Variants in PRKCA observed in about 807,000 individuals in gnomAD.
The protein encoded by PRKCA is protein kinase C alpha type.
A neutral mutation model predicts 87.0 loss-of-function variants in PRKCA; 27 were observed. The observed-to-expected ratio is 0.31, with a 90% CI of 0.23 to 0.43. The LOEUF is 0.43. Among genes scored for constraint, PRKCA ranks in the 20% least tolerant of loss-of-function variants. PRKCA has a pLI of 1.00. For synonymous variants in PRKCA, 329 were observed against 311.1 expected, an observed-to-expected ratio of 1.06 and a Z score of -0.61; for missense variants, 518 against 852.3, an observed-to-expected ratio of 0.61 and a Z score of 4.88.
At chr17:66,374,309 A>T (rs979328221) in intron 2 of PRKCA, among the ~76,000 whole-genome samples, 3 of 152,132 alleles carry the variant, frequency 2.0e-5, no homozygotes, top group African/African-American at 7.2e-5. Flanking sequence ...AGTGGCACGG[A>T]CTGCTGTCTG....
chr17:66,516,515 C>T (rs1966975936), intron 3 of PRKCA, among the ~76,000 whole-genome samples: 1 of 152,008 alleles, frequency 6.6e-6, no homozygotes, highest in African/African-American at 2.4e-5. Flanking sequence ...TGCCTGTAAT[C>T]CCAGCTACTT....
At chr17:66,393,240 G>T (rs1160471500) in intron 2 of PRKCA, among the ~76,000 whole-genome samples, 4 of 152,108 alleles carry the variant, frequency 2.6e-5, no homozygotes, top group African/African-American at 9.7e-5. Context: ...GGTTAGTTCA[G>T]CGTTCTAACA....
rs143834738 is a variant in PRKCA at position 66,614,148 on chromosome 17, C to G, written c.289-27207C>G. 7.2e-5 allele frequency among the ~76,000 whole-genome samples: 11 copies of G among 152,222 alleles called. No individual in the cohort carries two copies. The East Asian group carries it at 2.1e-3, about 29-fold the overall frequency. On this transcript the variant is annotated intron_variant, in intron 3 of 16. Coordinates refer to ENST00000413366, the MANE Select transcript of PRKCA (RefSeq NM_002737.3). ...CAGAGACCCTATTTCCAAATAATAT[C>G]ACTCTCTCCGATTCCAGCTGGACGT...
At chr17:66,658,126 G>A (rs2362708) in intron 5 of PRKCA, among the ~76,000 whole-genome samples, 87,214 of 152,008 alleles carry the variant, frequency 0.57, 25,362 homozygotes, top group African/African-American at 0.69. Context: ...CCTTCTTCAC[G>A]TGGCGGCAGG....
intron 14 of PRKCA, among the ~76,000 whole-genome samples, chr17:66,781,886 TA>T (rs55786429): frequency 0.061 from 7,346 of 121,306 alleles, 202 homozygotes; most frequent in Middle Eastern, 0.1. Context: ...TATATATATA[TA>T]GTGTGTGTGT....
chr17:66,346,040 T>G (rs1387049071), intron 2 of PRKCA, among the ~76,000 whole-genome samples: 1 of 152,004 alleles, frequency 6.6e-6, no homozygotes, highest in Non-Finnish European at 1.5e-5. Flanking sequence ...GTAACTACAT[T>G]CTGAGTGAAT....
In PRKCA at chr17:66,314,911, ATGTGTATATG is replaced by A. The variant is rs887245467; in HGVS notation, c.205+8794_205+8803del. On this transcript the variant is annotated intron_variant, in intron 2 of 16. Transcript: ENST00000413366. ...TGTGTGTGTGTGTGTGTATGTATGT[ATGTGTATATG>A]TGTGTATATATATGTGTGTGTGTAT... Among the ~76,000 whole-genome samples, 208 of 146,648 alleles carry A rather than the reference ATGTGTATATG, an allele frequency of 1.4e-3. 2 individuals carry two copies. The highest frequency in any genetic ancestry group is 4.9e-3 in the African/African-American group (195 of 39,976).
intron 8 of PRKCA, among the ~76,000 whole-genome samples, chr17:66,725,181 A>G (rs1483404655): frequency 6.6e-6 from 1 of 152,328 alleles, no homozygotes; most frequent in African/African-American, 2.4e-5. Flanking sequence ...CCCAGCATGA[A>G]CAGTGATTGC....
chr17:66,712,068 G>T (rs557999748), intron 8 of PRKCA, among the ~76,000 whole-genome samples: 12 of 152,256 alleles, frequency 7.9e-5, no homozygotes, highest in African/African-American at 2.6e-4. Flanking sequence ...TCAATGCAGG[G>T]TGTTGACTTT....
intron 2 of PRKCA, among the ~76,000 whole-genome samples, chr17:66,400,917 A>G (rs1910985486): frequency 6.6e-6 from 1 of 152,206 alleles, no homozygotes; most frequent in African/African-American, 2.4e-5. Flanking sequence ...CCAGGGGAGG[A>G]TGAGTATACC....
intron 2 of PRKCA, among the ~76,000 whole-genome samples, chr17:66,431,904 A>G (rs1913116870): frequency 6.6e-6 from 1 of 152,218 alleles, no homozygotes; most frequent in Admixed American, 6.5e-5. Flanking sequence ...GACCCGTCCC[A>G]TGGAAAACCA....
At chr17:66,587,012 T>G (rs1969616858) in intron 3 of PRKCA, among the ~76,000 whole-genome samples, 1 of 152,116 alleles carries the variant, frequency 6.6e-6, no homozygotes, top group Non-Finnish European at 1.5e-5. Flanking sequence ...TTATGAATGG[T>G]CTCTGTGAGT....
At chr17:66,651,612 A>G (rs1971592741) in intron 5 of PRKCA, among the ~76,000 whole-genome samples, 1 of 152,216 alleles carries the variant, frequency 6.6e-6, no homozygotes, top group African/African-American at 2.4e-5. Flanking sequence ...AGGAAAAGGC[A>G]TTAGTTGGAA....
chr17:66,399,617 C>T (rs986642093), intron 2 of PRKCA, among the ~76,000 whole-genome samples: 5 of 152,134 alleles, frequency 3.3e-5, no homozygotes, highest in South Asian at 4.1e-4. Flanking sequence ...CTCTTGGTTT[C>T]CTCTTCCTCC....
intron 3 of PRKCA, among the ~76,000 whole-genome samples, chr17:66,638,891 G>A (rs1464617423): frequency 2.6e-5 from 4 of 152,030 alleles, no homozygotes; most frequent in African/African-American, 9.7e-5. Context: ...TGTGGCTTAG[G>A]GTTTAGGTTC....
chr17:66,457,827 A>G (rs1378419797), intron 2 of PRKCA, among the ~76,000 whole-genome samples: 1 of 152,142 alleles, frequency 6.6e-6, no homozygotes. Context: ...CTTCTTTTAT[A>G]AATGACCCAG....
Position 66,735,548 on chromosome 17 carries a change from G to A in PRKCA, c.1116G>A (p.Lys372=). The part of the protein sequence containing the change: ...EELYAIKILK[K]DVVIQDDDVE... ...TGTATGCAATCAAAATCCTGAAGAA[G>A]GATGTGGTGATTCAGGATGATGACG... The change falls in exon 10 of 17, where the codon AAG becomes AAA. Residue 372 remains lysine (K), a synonymous_variant. Coordinates refer to ENST00000413366, the MANE Select transcript of PRKCA (RefSeq NM_002737.3). 6.2e-7 allele frequency: 1 copy of A among 1,614,208 alleles called. No individual in the cohort carries two copies. The highest frequency in any genetic ancestry group is 1.1e-5 in the South Asian group (1 of 91,082).
intron 5 of PRKCA, among the ~76,000 whole-genome samples, chr17:66,648,877 G>A (rs1489011916): frequency 6.6e-6 from 1 of 152,056 alleles, no homozygotes; most frequent in East Asian, 1.9e-4. Context: ...TGGATCGCTT[G>A]AGGTCAGGAG....
At chr17:66,618,513 A>G (rs1217491417) in intron 3 of PRKCA, among the ~76,000 whole-genome samples, 2 of 152,190 alleles carry the variant, frequency 1.3e-5, no homozygotes, top group Non-Finnish European at 2.9e-5. Context: ...GCCCATTATA[A>G]TGAATTTTTA....
Sources: gnomAD v4.1 joint callset for allele counts (sites outside exome capture counted in the v4.1 genomes callset) on GRCh38, gnomAD v4.1.1 for gene constraint, MANE v1.5 for transcripts, NCBI Gene and HGNC (gene_info 2026-07-23, HGNC 2026-07-21) for gene names.